The following PTPRR variants were observed in gnomAD, a reference collection of about 807,000 sequenced individuals.
PTPRR encodes protein tyrosine phosphatase receptor type R.
Under a neutral mutation model 77.2 loss-of-function variants are expected in PTPRR, and 38 were observed. The ratio of observed to expected loss-of-function variants is 0.49; its 90% confidence interval spans 0.38 to 0.65. The LOEUF (loss-of-function observed/expected upper bound fraction) is 0.65. Ranked by LOEUF, PTPRR falls within the 30% of genes least tolerant of loss-of-function variation. The probability of loss-of-function intolerance (pLI) is 0.00; values close to 1 mark genes in which losing one functional copy is unlikely to be tolerated. For missense variants in PTPRR, 744 were observed against 799.2 expected (o/e 0.93, Z 0.83); for synonymous variants, 299 against 283.1 (o/e 1.06, Z -0.57).
chr12:70,868,109 TTCAC>T (rs1267402039), intron 2 of PTPRR, among the ~76,000 whole-genome samples: 21 of 152,208 alleles, frequency 1.4e-4, no homozygotes, highest in African/African-American at 5.1e-4. Context: ...GGCAATACCA[TTCAC>T]GACATAGGCA....
At chr12:70,839,292 C>A (rs758479634) in intron 2 of PTPRR, among the ~76,000 whole-genome samples, 18 of 150,498 alleles carry the variant, frequency 1.2e-4, no homozygotes, top group Admixed American at 2.7e-4. Context: ...CCATCTCAGT[C>A]ATTTTTTTCC....
chr12:70,670,342 A>G (rs1276636785), intron 10 of PTPRR, among the ~76,000 whole-genome samples: 12 of 152,196 alleles, frequency 7.9e-5, no homozygotes, highest in Admixed American at 4.6e-4. Context: ...TGTTGGGGCA[A>G]TGATTAAGTG....
chr12:70,906,174 C>G (rs1592827220), intron 1 of PTPRR, among the ~76,000 whole-genome samples: 1 of 152,048 alleles, frequency 6.6e-6, no homozygotes, highest in East Asian at 1.9e-4. Context: ...AATGACCTCC[C>G]AACTTCTCTC....
chr12:70,872,246 A>G (rs1188202756), intron 2 of PTPRR, among the ~76,000 whole-genome samples: 2 of 152,168 alleles, frequency 1.3e-5, no homozygotes, highest in African/African-American at 4.8e-5. Context: ...AGATCACATA[A>G]TGGCACATGA....
chr12:70,706,241 T>C (rs540887630), intron 6 of PTPRR, among the ~76,000 whole-genome samples: 108 of 152,158 alleles, frequency 7.1e-4, no homozygotes, highest in African/African-American at 2.4e-3. Flanking sequence ...AAATTATACA[T>C]AGTACCAACC....
intron 2 of PTPRR, among the ~76,000 whole-genome samples, chr12:70,888,935 G>A (rs1245801176): frequency 2.0e-5 from 3 of 152,152 alleles, no homozygotes; most frequent in Non-Finnish European, 2.9e-5. Flanking sequence ...CTAAAGCATC[G>A]TGCTCAATGG....
chr12:70,859,215 C>T (rs1892706780), intron 2 of PTPRR, among the ~76,000 whole-genome samples: 1 of 152,002 alleles, frequency 6.6e-6, no homozygotes, highest in African/African-American at 2.4e-5. Flanking sequence ...GATATAGAAT[C>T]ACGTATGCCA....
intron 2 of PTPRR, among the ~76,000 whole-genome samples, chr12:70,776,644 C>T (rs747668353): frequency 2.0e-5 from 3 of 152,088 alleles, no homozygotes; most frequent in Non-Finnish European, 4.4e-5. Context: ...ACATTGTTAG[C>T]GCACACCGGG....
chr12:70,754,625 A>C (rs758302693), intron 4 of PTPRR: 1 of 1,597,856 alleles, frequency 6.3e-7, no homozygotes, highest in Admixed American at 1.7e-5. Flanking sequence ...TTCTGTGTGG[A>C]GGAAATTGTT....
intron 2 of PTPRR, among the ~76,000 whole-genome samples, chr12:70,842,199 T>C (rs1229234071): frequency 1.3e-5 from 2 of 152,210 alleles, no homozygotes; most frequent in Non-Finnish European, 2.9e-5. Flanking sequence ...TATAATTCTC[T>C]GTAAGCAACA....
chr12:70,790,881 C>T (rs759181531), intron 2 of PTPRR, among the ~76,000 whole-genome samples: 1 of 151,962 alleles, frequency 6.6e-6, no homozygotes, highest in Non-Finnish European at 1.5e-5. Flanking sequence ...AACAAAAAAA[C>T]CAGCCATCAT....
At chr12:70,871,060 G>T (rs1033019854) in intron 2 of PTPRR, among the ~76,000 whole-genome samples, 6 of 152,170 alleles carry the variant, frequency 3.9e-5, no homozygotes, top group Admixed American at 6.5e-5. Flanking sequence ...GAGCCAGGAA[G>T]GAAGGCCAAT....
chr12:70,771,607 T>C (rs1042725807), intron 2 of PTPRR, among the ~76,000 whole-genome samples: 1 of 152,196 alleles, frequency 6.6e-6, no homozygotes, highest in African/African-American at 2.4e-5. Flanking sequence ...CTAGTTATAA[T>C]AAAAAGCACA....
At chr12:70,865,251 T>C (rs2137083491) in intron 2 of PTPRR, among the ~76,000 whole-genome samples, 1 of 152,324 alleles carries the variant, frequency 6.6e-6, no homozygotes, top group South Asian at 2.1e-4. Context: ...TGTGAGTCCA[T>C]TAGACCTCTT....
At chr12:70,917,685 T>C (rs1352558558) in intron 1 of PTPRR, among the ~76,000 whole-genome samples, 5 of 152,022 alleles carry the variant, frequency 3.3e-5, no homozygotes, top group Non-Finnish European at 7.4e-5. Flanking sequence ...ATCTTCTTTT[T>C]CCCCCCGATG....
intron 6 of PTPRR, among the ~76,000 whole-genome samples, chr12:70,741,563 C>T (rs1318938927): frequency 6.6e-6 from 1 of 152,056 alleles, no homozygotes; most frequent in East Asian, 1.9e-4. Context: ...TTGAAGAAAT[C>T]TGAGAGCAGA....
intron 6 of PTPRR, among the ~76,000 whole-genome samples, chr12:70,705,025 CAA>C (rs1478184912): frequency 1.3e-5 from 2 of 151,906 alleles, no homozygotes; most frequent in African/African-American, 4.8e-5. Context: ...GGAGGAAATT[CAA>C]AAGATACCAA....
At chr12:70,662,245 G>A (rs545324350) in intron 11 of PTPRR, among the ~76,000 whole-genome samples, 96 of 151,974 alleles carry the variant, frequency 6.3e-4, no homozygotes, top group African/African-American at 2.2e-3. Flanking sequence ...TTTTATTAAC[G>A]CAAATTAGAG....
intron 13 of PTPRR, among the ~76,000 whole-genome samples, chr12:70,641,374 T>A (rs1885993857): frequency 1.3e-5 from 2 of 151,854 alleles, no homozygotes; most frequent in African/African-American, 4.9e-5. Flanking sequence ...TATGTTCTGG[T>A]CAGCACTGGT....
Sources: allele counts gnomAD v4.1 joint callset (sites outside exome capture counted in the v4.1 genomes callset), GRCh38; gene constraint gnomAD v4.1.1; transcripts MANE v1.5; gene names NCBI Gene and HGNC (gene_info 2026-07-23, HGNC 2026-07-21).